GRM7: variants seen among roughly 807,000 people sequenced by gnomAD.
GRM7 encodes glutamate metabotropic receptor 7.
Under a neutral mutation model 84.5 loss-of-function variants are expected in GRM7, and 35 were observed. The observed-to-expected ratio is 0.41, with a 90% CI of 0.32 to 0.55. The LOEUF is 0.55. Among genes scored for constraint, GRM7 ranks in the 20% least tolerant of loss-of-function variants. The pLI is 0.19. For missense variants in GRM7, 1,003 were observed against 1,194.6 expected, an observed-to-expected ratio of 0.84 and a Z score of 2.36; for synonymous variants, 487 against 455.1, an observed-to-expected ratio of 1.07 and a Z score of -0.89.
intron 1 of GRM7, among the ~76,000 whole-genome samples, chr3:6,994,668 A>G (rs1262318079): frequency 6.6e-6 from 1 of 152,106 alleles, no homozygotes; most frequent in Non-Finnish European, 1.5e-5. Context: ...TCTTAGAGAC[A>G]ATTTATTGCT....
intron 7 of GRM7, among the ~76,000 whole-genome samples, chr3:7,485,856 A>G (rs1559355570): frequency 6.6e-6 from 1 of 152,100 alleles, no homozygotes; most frequent in African/African-American, 2.4e-5. Flanking sequence ...ATGTTCACAA[A>G]CTCTGTTCAC....
Position 7,306,665 on chromosome 3 carries a change from T to C in GRM7, c.1033+13T>C. ...GCCACGGTGGAAGGTATGGGTTTCA[T>C]CAGCAGTAGGTTTGCTGAGAGAAGT... On this transcript the variant is annotated intron_variant, in intron 4 of 9. Coordinates refer to ENST00000357716, the MANE Select transcript of GRM7 (RefSeq NM_000844.4). The C allele has an allele frequency of 2.5e-6, 4 of 1,580,764 alleles. No homozygotes were observed. Among genetic ancestry groups the C allele is most frequent in the Non-Finnish European group, 3.4e-6 (4 of 1,162,870 alleles).
intron 8 of GRM7, among the ~76,000 whole-genome samples, chr3:7,679,243 C>T (rs557097303): frequency 8.5e-5 from 13 of 152,202 alleles, no homozygotes; most frequent in Non-Finnish European, 1.8e-4. Context: ...TGAATGAGTA[C>T]AGTTCATTCA....
Position 7,364,485 on chromosome 3 carries a change from T to G in GRM7, c.1034-50538T>G, listed in dbSNP as rs576120260. ...TATTATGTTCTCTTTGTTGCAAAAA[T>G]TGACATATTTGTATTTATTTATATA... On this transcript the variant is annotated intron_variant, in intron 4 of 9. Coordinates refer to ENST00000357716, the MANE Select transcript of GRM7 (RefSeq NM_000844.4). 4.6e-5 allele frequency among the ~76,000 whole-genome samples: 7 copies of G among 151,958 alleles called. No individual in the cohort carries two copies. The East Asian group carries it at 1.4e-3, about 29-fold the overall frequency.
intron 7 of GRM7, among the ~76,000 whole-genome samples, chr3:7,470,102 C>G (rs1262233370): frequency 6.6e-6 from 1 of 152,154 alleles, no homozygotes; most frequent in Non-Finnish European, 1.5e-5. Context: ...AACACATCCC[C>G]CTCCTCCTAC....
At chr3:7,135,214 A>G (rs527998947) in intron 1 of GRM7, among the ~76,000 whole-genome samples, 1 of 152,330 alleles carries the variant, frequency 6.6e-6, no homozygotes, top group Non-Finnish European at 1.5e-5. Context: ...ATCCTATGTG[A>G]GCAGAGATGA....
intron 4 of GRM7, among the ~76,000 whole-genome samples, chr3:7,319,293 G>T (rs920416014): frequency 6.6e-6 from 1 of 151,982 alleles, no homozygotes; most frequent in Non-Finnish European, 1.5e-5. Flanking sequence ...ACACATAGTA[G>T]TTGAACTAAG....
chr3:7,737,585 G>T (rs1385290412), intron 9 of GRM7, among the ~76,000 whole-genome samples: 1 of 152,030 alleles, frequency 6.6e-6, no homozygotes, highest in Non-Finnish European at 1.5e-5. Flanking sequence ...GGACTAGAAT[G>T]GTTTAAAAAT....
intron 4 of GRM7, among the ~76,000 whole-genome samples, chr3:7,320,055 T>C (rs1441341070): frequency 4.6e-5 from 7 of 151,950 alleles, no homozygotes; most frequent in Non-Finnish European, 1.0e-4. Flanking sequence ...TTTCACTTTA[T>C]ATAAATATAA....
At chr3:7,510,136 C>A (rs571381520) in intron 7 of GRM7, among the ~76,000 whole-genome samples, 3 of 152,240 alleles carry the variant, frequency 2.0e-5, no homozygotes, top group Admixed American at 6.5e-5. Context: ...TAGTCCCTAC[C>A]TTTCCCCCAG....
At chr3:7,717,553 A>G (rs1701808756) in intron 9 of GRM7, among the ~76,000 whole-genome samples, 2 of 152,174 alleles carry the variant, frequency 1.3e-5, no homozygotes, top group Non-Finnish European at 2.9e-5. Flanking sequence ...AGAAATTATA[A>G]CCAGCTAAAC....
chr3:6,895,580 A>G (rs1559314020), intron 1 of GRM7, among the ~76,000 whole-genome samples: 2 of 152,190 alleles, frequency 1.3e-5, no homozygotes, highest in Non-Finnish European at 2.9e-5. Context: ...CTAGTAAGAG[A>G]TAAGTCTGAA....
chr3:7,425,020 G>C (rs1696546673), intron 5 of GRM7, among the ~76,000 whole-genome samples: 1 of 152,076 alleles, frequency 6.6e-6, no homozygotes, highest in South Asian at 2.1e-4. Flanking sequence ...TCCCTATGCT[G>C]TTTCTCCTCT....
At chr3:7,378,160 G>T (rs141229608) in intron 4 of GRM7, among the ~76,000 whole-genome samples, 1 of 152,142 alleles carries the variant, frequency 6.6e-6, no homozygotes, top group South Asian at 2.1e-4. Context: ...TGCACAGCCC[G>T]GGAAGAGACA....
intron 7 of GRM7, among the ~76,000 whole-genome samples, chr3:7,474,440 C>CAA (rs35884021): frequency 1.0e-4 from 14 of 140,176 alleles, no homozygotes; most frequent in South Asian, 9.3e-4. Context: ...TAGCTTTTCT[C>CAA]AAAAAAAAAA....
chr3:7,059,092 A>G (rs1383668067), intron 1 of GRM7, among the ~76,000 whole-genome samples: 1 of 151,814 alleles, frequency 6.6e-6, no homozygotes, highest in African/African-American at 2.4e-5. Flanking sequence ...TTTTGCTTCT[A>G]AGAGAAGTTA....
chr3:7,375,997 G>A (rs919828693), intron 4 of GRM7, among the ~76,000 whole-genome samples: 3 of 152,138 alleles, frequency 2.0e-5, no homozygotes, highest in Non-Finnish European at 4.4e-5. Context: ...AAGTGACTAT[G>A]AGTTACAGCT....
At chr3:6,915,259 C>G (rs1696904076) in intron 1 of GRM7, among the ~76,000 whole-genome samples, 1 of 152,076 alleles carries the variant, frequency 6.6e-6, no homozygotes, top group African/African-American at 2.4e-5. Context: ...ATTTTTACCC[C>G]TCTGTATACA....
chr3:6,988,840 TACACCAAAGG>T (rs1433117752), intron 1 of GRM7, among the ~76,000 whole-genome samples: 28 of 152,338 alleles, frequency 1.8e-4, no homozygotes, highest in Admixed American at 9.2e-4. Context: ...TCACTCCATA[TACACCAAAGG>T]TAGGGTTATT....
Sources: gnomAD v4.1 joint callset for allele counts (sites outside exome capture counted in the v4.1 genomes callset) on GRCh38, gnomAD v4.1.1 for gene constraint, MANE v1.5 for transcripts, NCBI Gene and HGNC (gene_info 2026-07-23, HGNC 2026-07-21) for gene names.